The following HSPBAP1 variants were observed in gnomAD, a reference collection of about 807,000 sequenced individuals.
HSPBAP1 encodes the protein HSPB1 associated protein 1.
Under a neutral mutation model 45.2 loss-of-function variants are expected in HSPBAP1, and 27 were observed. The ratio of observed to expected loss-of-function variants is 0.60; its 90% confidence interval spans 0.44 to 0.82. HSPBAP1 has a LOEUF of 0.82. HSPBAP1 is among the 40% of genes least tolerant of loss of function. HSPBAP1 has a pLI of 0.00. For synonymous variants in HSPBAP1, 204 were observed against 202.7 expected (o/e 1.01, Z -0.06); for missense variants, 510 against 590.9 (o/e 0.86, Z 1.42).
At chr3:122,759,805 C>T (rs780622691) in intron 3 of HSPBAP1, among the ~76,000 whole-genome samples, 2 of 152,098 alleles carry the variant, frequency 1.3e-5, no homozygotes, top group African/African-American at 2.4e-5. Context: ...GAGACACAAC[C>T]GAAGAAGTCA....
chr3:122,773,132 T>C (rs1273718233), intron 2 of HSPBAP1, among the ~76,000 whole-genome samples: 1 of 151,994 alleles, frequency 6.6e-6, no homozygotes, highest in Non-Finnish European at 1.5e-5. Context: ...ATTTTAGGTG[T>C]GAGTCACTGT....
At chr3:122,764,119 G>C (rs1031094895) in intron 3 of HSPBAP1, among the ~76,000 whole-genome samples, 1 of 152,332 alleles carries the variant, frequency 6.6e-6, no homozygotes. Flanking sequence ...AAGCAACACA[G>C]AACGTTTGTG....
chr3:122,793,510 CAG>C (rs761240931), intron 1 of HSPBAP1, 105 bp downstream of exon 1: 75 of 882,286 alleles, frequency 8.5e-5, no homozygotes, highest in Non-Finnish European at 1.3e-4. Context: ...AATGCAAGGC[CAG>C]AGAGACCTGG....
In HSPBAP1 at chr3:122,755,331, T is replaced by G. The variant is rs756209031; in HGVS notation, c.670A>C (p.Asn224His). 5.0e-6 allele frequency: 8 copies of G among 1,606,944 alleles called. No individual in the cohort carries two copies. In the South Asian group the frequency reaches 7.8e-5, roughly 16 times the overall value. The change falls in exon 5 of 8, where the codon AAT becomes CAT. Residue 224 changes from asparagine (N) to histidine (H), a missense_variant. Coordinates refer to ENST00000306103, the MANE Select transcript of HSPBAP1 (RefSeq NM_024610.6). ...TGAGGAAAACGCTTTAAATCAGGAT[T>G]GACAACATTGATTTTACTGAACACA... ...SSVFSKINVVNPDLKRFPQFR... is the reference protein window; with the variant it reads ...SSVFSKINVVHPDLKRFPQFR...
At chr3:122,750,622 A>G (rs1934102654) in intron 6 of HSPBAP1, among the ~76,000 whole-genome samples, 1 of 152,170 alleles carries the variant, frequency 6.6e-6, no homozygotes, top group Non-Finnish European at 1.5e-5. Context: ...ACCCAGGAGC[A>G]ATGAACAGAT....
At chr3:122,778,217 TG>T (rs145018027) in intron 1 of HSPBAP1, among the ~76,000 whole-genome samples, 71,821 of 127,608 alleles carry the variant, frequency 0.56, 17,887 homozygotes, top group Non-Finnish European at 0.63. Context: ...TTTTTTTTGT[TG>T]TTTTTTTTTT....
chr3:122,780,460 C>G (rs1218057202), intron 1 of HSPBAP1, among the ~76,000 whole-genome samples: 1 of 116,068 alleles, frequency 8.6e-6, no homozygotes, highest in East Asian at 2.5e-4. Context: ...GGCGGCCGGG[C>G]AGAGGCGCCC....
rs764535541 is a variant in HSPBAP1 at position 122,793,694 on chromosome 3, C to T, written c.-14G>A. ...GCCTGCTGCCATGGCTACCGCAAGG[C>T]GGGTTCTGCCGGAACCCAAGGCGGA... On this transcript the variant is annotated 5_prime_UTR_variant, in exon 1 of 8. Transcript: ENST00000306103. The T allele has an allele frequency of 1.2e-6, 2 of 1,613,376 alleles. No homozygotes were observed. The highest frequency in any genetic ancestry group is 3.3e-5 in the Admixed American group (2 of 60,020).
At chr3:122,756,488 C>T (rs1934361073) in intron 4 of HSPBAP1, among the ~76,000 whole-genome samples, 1 of 152,030 alleles carries the variant, frequency 6.6e-6, no homozygotes, top group Non-Finnish European at 1.5e-5. Context: ...GGATAGAGAA[C>T]AACCTCGGAG....
chr3:122,783,596 A>G (rs957667454), intron 1 of HSPBAP1, among the ~76,000 whole-genome samples: 1 of 152,218 alleles, frequency 6.6e-6, no homozygotes, highest in Non-Finnish European at 1.5e-5. Flanking sequence ...AAAAATGAAG[A>G]CCGAAAGAAG....
chr3:122,740,914 A>C (rs1325561218), intron 7 of HSPBAP1, 39 bp from the exon 8 acceptor site: 2 of 1,610,012 alleles, frequency 1.2e-6, no homozygotes, highest in Non-Finnish European at 8.5e-7. Flanking sequence ...GGTTACATAC[A>C]TTTAGTTACA....
chr3:122,758,737 A>G (rs1934444136), intron 4 of HSPBAP1: 1 of 453,980 alleles, frequency 2.2e-6, no homozygotes, highest in African/African-American at 2.0e-5. Flanking sequence ...CTAAATAAAA[A>G]GTTTTTTAAA....
intron 3 of HSPBAP1, among the ~76,000 whole-genome samples, chr3:122,760,790 T>G (rs1295498347): frequency 6.6e-6 from 1 of 152,174 alleles, no homozygotes; most frequent in African/African-American, 2.4e-5. Flanking sequence ...GGTTACAGCT[T>G]GGAACACACT....
intron 3 of HSPBAP1, among the ~76,000 whole-genome samples, chr3:122,764,244 G>A (rs1934696397): frequency 6.6e-6 from 1 of 152,210 alleles, no homozygotes; most frequent in Non-Finnish European, 1.5e-5. Flanking sequence ...GATTATATAA[G>A]TGGATTTTTT....
intron 1 of HSPBAP1, among the ~76,000 whole-genome samples, chr3:122,792,886 AAAAAG>A (rs1935879008): frequency 6.6e-6 from 1 of 151,906 alleles, no homozygotes; most frequent in South Asian, 2.1e-4. Context: ...AGAAAAAAAA[AAAAAG>A]AGAGAAAAGA....
chr3:122,762,160 G>A (rs1164485032), intron 3 of HSPBAP1, among the ~76,000 whole-genome samples: 1 of 152,112 alleles, frequency 6.6e-6, no homozygotes, highest in Non-Finnish European at 1.5e-5. Flanking sequence ...CTACTTCCTG[G>A]TAGCTTACAG....
chr3:122,784,491 A>G (rs1417433624), intron 1 of HSPBAP1, among the ~76,000 whole-genome samples: 6 of 152,222 alleles, frequency 3.9e-5, no homozygotes, highest in Non-Finnish European at 8.8e-5. Flanking sequence ...AGGCAATCCC[A>G]TAGTATACTA....
At chr3:122,787,894 A>G (rs1400418085) in intron 1 of HSPBAP1, among the ~76,000 whole-genome samples, 2 of 152,242 alleles carry the variant, frequency 1.3e-5, no homozygotes, top group African/African-American at 4.8e-5. Context: ...CTATTTTAAA[A>G]TGTCAACACA....
chr3:122,774,977 T>G (rs1028102402), intron 2 of HSPBAP1, among the ~76,000 whole-genome samples: 4 of 152,238 alleles, frequency 2.6e-5, no homozygotes, highest in Non-Finnish European at 5.9e-5. Flanking sequence ...AGATGTTCAC[T>G]ACAGTCTTTT....
Sources: gnomAD v4.1 joint callset for allele counts (sites outside exome capture counted in the v4.1 genomes callset) on GRCh38, gnomAD v4.1.1 for gene constraint, MANE v1.5 for transcripts, NCBI Gene and HGNC (gene_info 2026-07-23, HGNC 2026-07-21) for gene names.